DCLK2: variants seen among roughly 807,000 people sequenced by gnomAD.
DCLK2 encodes the protein serine/threonine-protein kinase DCLK2.
In DCLK2, 31 loss-of-function variants were observed where a neutral mutation model predicts 78.4. The ratio of observed to expected loss-of-function variants is 0.40; its 90% confidence interval spans 0.30 to 0.53. DCLK2 has a LOEUF of 0.53. Ranked by LOEUF, DCLK2 falls within the 20% of genes least tolerant of loss-of-function variation. The pLI is 0.61. For synonymous variants in DCLK2, 407 were observed against 374.9 expected, an observed-to-expected ratio of 1.09 and a Z score of -0.99; for missense variants, 872 against 973.7, an observed-to-expected ratio of 0.90 and a Z score of 1.39.
intron 5 of DCLK2, among the ~76,000 whole-genome samples, chr4:150,208,737 G>C (rs537421073): frequency 6.6e-6 from 1 of 152,214 alleles, no homozygotes; most frequent in South Asian, 2.1e-4. Context: ...TTTGCTAATA[G>C]GTATCTAATG....
At chr4:150,172,202 GCT>G (rs985646583) in intron 2 of DCLK2, among the ~76,000 whole-genome samples, 1 of 152,136 alleles carries the variant, frequency 6.6e-6, no homozygotes, top group Non-Finnish European at 1.5e-5. Context: ...AAATGGAAAT[GCT>G]CTTTGATGAA....
intron 10 of DCLK2, among the ~76,000 whole-genome samples, chr4:150,236,857 C>A (rs771667568): frequency 1.3e-5 from 2 of 152,122 alleles, no homozygotes; most frequent in Non-Finnish European, 2.9e-5. Flanking sequence ...ATATCACTTG[C>A]ACAGACATAA....
chr4:150,086,696 T>G (rs1029122225), intron 1 of DCLK2, among the ~76,000 whole-genome samples: 19 of 152,028 alleles, frequency 1.2e-4, no homozygotes, highest in African/African-American at 4.6e-4. Context: ...TTAGTAGAGA[T>G]GGGTTTTCAC....
At chr4:150,197,051 G>A (rs1739091226) in intron 3 of DCLK2, among the ~76,000 whole-genome samples, 1 of 151,708 alleles carries the variant, frequency 6.6e-6, no homozygotes, top group Non-Finnish European at 1.5e-5. Flanking sequence ...TCAGGCCAGA[G>A]GCTGAGACAG....
intron 2 of DCLK2, among the ~76,000 whole-genome samples, chr4:150,125,906 A>G (rs548681012): frequency 7.2e-5 from 11 of 152,306 alleles, no homozygotes; most frequent in African/African-American, 2.4e-4. Context: ...AAAACCACAA[A>G]AAACCCACAA....
chr4:150,210,342 T>C (rs1740197342), intron 5 of DCLK2, among the ~76,000 whole-genome samples: 2 of 152,184 alleles, frequency 1.3e-5, no homozygotes, highest in African/African-American at 4.8e-5. Flanking sequence ...AAAACTAACA[T>C]GCAGTAGCGT....
At chr4:150,117,796 G>A (rs148329598) in intron 2 of DCLK2, among the ~76,000 whole-genome samples, 2 of 152,142 alleles carry the variant, frequency 1.3e-5, no homozygotes, top group South Asian at 2.1e-4. Context: ...TTTTCAGAGG[G>A]TCTGTGGTTT....
At chr4:150,113,124 T>C (rs1190430093) in intron 2 of DCLK2, among the ~76,000 whole-genome samples, 4 of 152,132 alleles carry the variant, frequency 2.6e-5, no homozygotes, top group Admixed American at 1.3e-4. Flanking sequence ...AATTATCTTT[T>C]TGATGTGTTG....
intron 2 of DCLK2, 112 bp downstream of exon 2, chr4:150,102,924 G>A: frequency 2.0e-6 from 2 of 1,015,676 alleles, no homozygotes; most frequent in African/African-American, 1.6e-5. Context: ...CCTTCTGGGA[G>A]TCATACTTGA....
intron 2 of DCLK2, among the ~76,000 whole-genome samples, chr4:150,176,593 G>C (rs1737108395): frequency 6.6e-6 from 1 of 152,190 alleles, no homozygotes; most frequent in Non-Finnish European, 1.5e-5. Context: ...GCTGTGGTAA[G>C]GCAGGGTATT....
intron 12 of DCLK2, among the ~76,000 whole-genome samples, chr4:150,246,575 AG>A (rs1404516031): frequency 6.6e-6 from 1 of 152,148 alleles, no homozygotes; most frequent in Non-Finnish European, 1.5e-5. Flanking sequence ...TGGATTTTGA[AG>A]TTGACTCCAA....
chr4:150,157,702 C>T (rs756758514), intron 2 of DCLK2, among the ~76,000 whole-genome samples: 5 of 151,974 alleles, frequency 3.3e-5, no homozygotes, highest in African/African-American at 7.2e-5. Context: ...TATTAGAGAC[C>T]GGGTTTCACC....
chr4:150,254,886 C>G (rs1378174356), intron 15 of DCLK2, among the ~76,000 whole-genome samples: 1 of 152,152 alleles, frequency 6.6e-6, no homozygotes, highest in African/African-American at 2.4e-5. Context: ...CTGTGTTGCC[C>G]AGGCTGGTCT....
chr4:150,190,229 GGATAGTTAGATA>G (rs1472382744), intron 2 of DCLK2, among the ~76,000 whole-genome samples: 22 of 91,784 alleles, frequency 2.4e-4, no homozygotes, highest in African/African-American at 5.4e-4. Flanking sequence ...ATGGATAGAT[GGATAGTTAGATA>G]GATAGATAGA....
At chr4:150,094,648 A>G (rs985221367) in intron 1 of DCLK2, among the ~76,000 whole-genome samples, 4 of 152,228 alleles carry the variant, frequency 2.6e-5, no homozygotes, top group African/African-American at 7.2e-5. Flanking sequence ...CTGTAACACT[A>G]TGTGCTTATT....
rs908454223 is a variant in DCLK2, at chr4:150,109,076, A to G, written c.756+6264A>G. ...AAAGTTTAGCTATTTCATAGCTACC[A>G]TAACATAAATAATATTTATTTTGTA... On this transcript the variant is annotated intron_variant, in intron 2 of 15. Transcript: ENST00000296550. Among the ~76,000 whole-genome samples the G allele has an allele frequency of 3.9e-5, 6 of 152,328 alleles. No individual in the cohort carries two copies. In the South Asian group the frequency reaches 1.2e-3, roughly 32 times the overall value.
At chr4:150,210,604 A>C (rs1012636499) in intron 5 of DCLK2, among the ~76,000 whole-genome samples, 1 of 151,870 alleles carries the variant, frequency 6.6e-6, no homozygotes, top group Non-Finnish European at 1.5e-5. Context: ...GCACCACTGC[A>C]CTCCAGCTTG....
chr4:150,201,324 GGCAGCAGCGGAAGTTGCA>G (rs1298116194), intron 4 of DCLK2, among the ~76,000 whole-genome samples: 1 of 152,118 alleles, frequency 6.6e-6, no homozygotes, highest in African/African-American at 2.4e-5. Context: ...TTCCACTTGC[GGCAGCAGCGGAAGTTGCA>G]GGGGGAGAGG....
chr4:150,215,312 C>T (rs576985194), intron 5 of DCLK2, among the ~76,000 whole-genome samples: 2 of 152,182 alleles, frequency 1.3e-5, no homozygotes, highest in East Asian at 3.9e-4. Flanking sequence ...TGCTATCTAC[C>T]TGGAGGTAGC....
Sources: gnomAD v4.1 joint callset for allele counts (sites outside exome capture counted in the v4.1 genomes callset) on GRCh38, gnomAD v4.1.1 for gene constraint, MANE v1.5 for transcripts, NCBI Gene and HGNC (gene_info 2026-07-23, HGNC 2026-07-21) for gene names.